ANKS1B: variants seen among roughly 807,000 people sequenced by gnomAD.
The protein encoded by ANKS1B is ankyrin repeat and sterile alpha motif domain containing 1B.
A neutral mutation model predicts 148.3 loss-of-function variants in ANKS1B; 36 were observed. The ratio of observed to expected loss-of-function variants is 0.24; its 90% CI spans 0.19 to 0.32. The LOEUF is 0.32. Ranked by LOEUF, ANKS1B falls within the 10% of genes least tolerant of loss-of-function variation. The pLI, the probability that ANKS1B is intolerant of heterozygous loss-of-function variation, is 1.00. For synonymous variants in ANKS1B, 542 were observed against 560.8 expected, an observed-to-expected ratio of 0.97 and a Z score of 0.47; for missense variants, 1,157 against 1,542.6, an observed-to-expected ratio of 0.75 and a Z score of 4.19.
chr12:99,550,970 A>G (rs2153165583), intron 9 of ANKS1B, among the ~76,000 whole-genome samples: 1 of 152,138 alleles, frequency 6.6e-6, no homozygotes, highest in South Asian at 2.1e-4. Flanking sequence ...ATTTGTTTTT[A>G]ATTTGGATGA....
At chr12:99,506,643 G>A (rs1426556850) in intron 9 of ANKS1B, among the ~76,000 whole-genome samples, 2 of 151,926 alleles carry the variant, frequency 1.3e-5, no homozygotes, top group African/African-American at 4.8e-5. Flanking sequence ...ACAAAGGGGG[G>A]ATGGAGAAAA....
At chr12:99,893,993 A>G (rs1242795787) in intron 1 of ANKS1B, among the ~76,000 whole-genome samples, 4 of 152,168 alleles carry the variant, frequency 2.6e-5, no homozygotes, top group Non-Finnish European at 4.4e-5. Context: ...CAAGGATCAC[A>G]GGACATTTTA....
chr12:99,223,469 C>A (rs1057298655), intron 14 of ANKS1B, among the ~76,000 whole-genome samples: 4 of 152,060 alleles, frequency 2.6e-5, no homozygotes, highest in Non-Finnish European at 5.9e-5. Flanking sequence ...ATGGTCCCAT[C>A]TGGGGGTAAT....
At chr12:99,566,819 G>T (rs1222572172) in intron 9 of ANKS1B, among the ~76,000 whole-genome samples, 1 of 152,086 alleles carries the variant, frequency 6.6e-6, no homozygotes, top group African/African-American at 2.4e-5. Flanking sequence ...AATTTTCTCT[G>T]TCTGTGGTAT....
chr12:99,545,306 T>C (rs142189189), intron 9 of ANKS1B, among the ~76,000 whole-genome samples: 297 of 152,296 alleles, frequency 2.0e-3, no homozygotes, highest in Admixed American at 2.5e-3. Context: ...CCAATATTTA[T>C]AGAATCCTTT....
chr12:98,947,622 C>T (rs1331075490), intron 17 of ANKS1B, among the ~76,000 whole-genome samples: 1 of 152,180 alleles, frequency 6.6e-6, no homozygotes, highest in Non-Finnish European at 1.5e-5. Flanking sequence ...ATATTGAGGG[C>T]TCTACATGTT....
chr12:99,720,830 G>A (rs1260587413), intron 8 of ANKS1B, among the ~76,000 whole-genome samples: 10 of 152,088 alleles, frequency 6.6e-5, no homozygotes, highest in Admixed American at 6.6e-4. Flanking sequence ...TACATGCCCT[G>A]CTCTTGTTTA....
intron 17 of ANKS1B, chr12:98,976,345 T>C (rs2099895917): frequency 6.6e-6 from 1 of 152,232 alleles, no homozygotes. Context: ...CTAGAGGGCC[T>C]TGGGAAGGCA....
intron 11 of ANKS1B, among the ~76,000 whole-genome samples, chr12:99,408,470 T>C (rs2152653149): frequency 6.9e-6 from 1 of 145,762 alleles, no homozygotes; most frequent in South Asian, 2.1e-4. Context: ...TTCACAAGCA[T>C]AGGCAACCAA....
rs145416931 is a variant in ANKS1B at position 99,265,190 on chromosome 12, G to A, written c.1757-18326C>T. Among the ~76,000 whole-genome samples, 76 of 152,240 alleles carry A rather than the reference G, an allele frequency of 5.0e-4. 1 individual carries two copies. In the East Asian group the frequency reaches 0.012, roughly 24 times the overall value. On this transcript the variant is annotated intron_variant, in intron 12 of 26. Coordinates refer to ENST00000683438, the MANE Select transcript of ANKS1B (RefSeq NM_001352186.2). Reference sequence around the variant, plus strand: ...GGTCTATAGCAGTGGTTCTCATAGTGTGGACCCCAGAACAGCAGCATTAGC... The same window carrying A: ...GGTCTATAGCAGTGGTTCTCATAGTATGGACCCCAGAACAGCAGCATTAGC...
At chr12:99,758,529 C>G (rs954891008) in intron 8 of ANKS1B, among the ~76,000 whole-genome samples, 1 of 130,438 alleles carries the variant, frequency 7.7e-6, no homozygotes, top group Non-Finnish European at 1.6e-5. Flanking sequence ...CTTATTGCTA[C>G]CATTTTTCAT....
intron 8 of ANKS1B, among the ~76,000 whole-genome samples, chr12:99,676,103 GT>G (rs993218437): frequency 6.6e-6 from 1 of 152,066 alleles, no homozygotes. Flanking sequence ...TTCATAAGGG[GT>G]TTTTCCCCCT....
chr12:99,781,049 CAAACACAT>C (rs1388088132), intron 5 of ANKS1B, among the ~76,000 whole-genome samples: 1 of 117,256 alleles, frequency 8.5e-6, no homozygotes, highest in Non-Finnish European at 1.7e-5. Context: ...ATGAATTTTC[CAAACACAT>C]AATTGCAAAA....
chr12:98,800,356 T>C (rs909186721), intron 21 of ANKS1B, among the ~76,000 whole-genome samples: 3 of 152,172 alleles, frequency 2.0e-5, no homozygotes, highest in African/African-American at 7.2e-5. Context: ...ATTGAAATGT[T>C]TCTTTTTAAG....
At position 99,871,453 on chromosome 12, in the gene ANKS1B, C is replaced by T. The variant is rs118014809; in HGVS notation, c.135-46064G>A. Among the ~76,000 whole-genome samples the T allele has an allele frequency of 1.8e-3, 270 of 152,054 alleles. 7 individuals carry two copies. The East Asian group carries it at 0.041, about 23-fold the overall frequency. ...TCTTTTCTAATTCTGTGAAAAATGA[C>T]GTTGGTAGTTTGATAGGAATAGTAT... On this transcript the variant is annotated intron_variant, in intron 1 of 26. Transcript: ENST00000683438.
rs186837034 is a variant in ANKS1B at position 99,704,410 on chromosome 12, C to A, written c.1129-49200G>T. 4.1e-3 allele frequency among the ~76,000 whole-genome samples: 629 copies of A among 152,162 alleles called. 9 individuals carry two copies. In the South Asian group the frequency reaches 0.057, roughly 14 times the overall value. ...AGTATCCCTAGGGAGAACTAACTTA[C>A]CCAAGACACTTCAACATTTCTAGAC... On this transcript the variant is annotated intron_variant, in intron 8 of 26. Coordinates refer to ENST00000683438, the MANE Select transcript of ANKS1B (RefSeq NM_001352186.2).
At chr12:99,094,872 C>A (rs575335681) in intron 15 of ANKS1B, among the ~76,000 whole-genome samples, 31 of 152,198 alleles carry the variant, frequency 2.0e-4, no homozygotes, top group Middle Eastern at 3.4e-3. Context: ...TTCAAATATA[C>A]TCTGGATTCG....
At chr12:99,216,126 C>A (rs1364845253) in intron 14 of ANKS1B, among the ~76,000 whole-genome samples, 1 of 152,216 alleles carries the variant, frequency 6.6e-6, no homozygotes, top group Non-Finnish European at 1.5e-5. Flanking sequence ...CCTGCACATG[C>A]TCTCTTGCCT....
chr12:99,716,888 T>C (rs553595659), intron 8 of ANKS1B, among the ~76,000 whole-genome samples: 126 of 152,150 alleles, frequency 8.3e-4, no homozygotes, highest in Non-Finnish European at 1.5e-3. Context: ...AGCCTCTGCT[T>C]CTCCACCCTA....
Sources: gnomAD v4.1 joint callset for allele counts (sites outside exome capture counted in the v4.1 genomes callset) on GRCh38, gnomAD v4.1.1 for gene constraint, MANE v1.5 for transcripts, NCBI Gene and HGNC (gene_info 2026-07-23, HGNC 2026-07-21) for gene names.